Variants in FRMD6 observed in about 807,000 individuals in gnomAD.
FRMD6 encodes the protein FERM domain-containing protein 6.
Under a neutral mutation model 73.2 loss-of-function variants are expected in FRMD6, and 37 were observed. The ratio of observed to expected loss-of-function variants is 0.51; its 90% confidence interval spans 0.39 to 0.66. FRMD6 has a LOEUF of 0.66. Ranked by LOEUF, FRMD6 falls within the 30% of genes least tolerant of loss-of-function variation. The pLI is 0.00. For synonymous variants in FRMD6, 273 were observed against 282.2 expected (o/e 0.97, Z 0.33); for missense variants, 714 against 780.5 (o/e 0.91, Z 1.02).
the FRMD6 span, among the ~76,000 whole-genome samples, chr14:51,444,503 G>A: frequency 6.6e-6 from 1 of 152,182 alleles, no homozygotes; most frequent in African/African-American, 2.4e-5. Context: ...CGAATCCATT[G>A]TTAGCAATGT....
chr14:51,685,184 A>G (rs1895068767), intron 1 of FRMD6, among the ~76,000 whole-genome samples: 1 of 152,174 alleles, frequency 6.6e-6, no homozygotes, highest in Non-Finnish European at 1.5e-5. Context: ...CTGAACAGTA[A>G]GTGAGTCTTG....
rs920968308 is a variant in FRMD6 at position 51,720,491 on chromosome 14, G to C, written c.1360+101G>C. 4 of 1,017,086 alleles carry C rather than the reference G, an allele frequency of 3.9e-6. No individual in the cohort carries two copies. The African/African-American group carries it at 6.4e-5, about 16-fold the overall frequency. The allele number at this position is 1,017,086 out of a possible 1,614,324, so 63.0% of individuals were successfully genotyped here. A position where few individuals can be genotyped will look rare whatever the true frequency, so the allele number is the denominator to read the frequency against. On this transcript the variant is annotated intron_variant, in intron 11 of 13. Transcript: ENST00000344768. The stretch of plus-strand genomic sequence containing the variant: ...GTCTGGAGAGCAACTTTAGGCAGTA[G>C]TAATAAAGTGGAAGAGGTGTCTTGT...
the FRMD6 span, among the ~76,000 whole-genome samples, chr14:51,453,994 G>A: frequency 0.28 from 43,240 of 152,090 alleles, 6,658 homozygotes; most frequent in Non-Finnish European, 0.34. Flanking sequence ...GATGAAGCAG[G>A]GCTCTGCTCC....
intron 1 of FRMD6, among the ~76,000 whole-genome samples, chr14:51,533,054 A>G (rs994287666): frequency 6.6e-6 from 1 of 152,232 alleles, no homozygotes; most frequent in East Asian, 1.9e-4. Flanking sequence ...CCTACAACCA[A>G]TAATGGTCTC....
At chr14:51,497,730 A>G (rs1054702709) in intron 1 of FRMD6, among the ~76,000 whole-genome samples, 3 of 152,198 alleles carry the variant, frequency 2.0e-5, no homozygotes, top group African/African-American at 7.2e-5. Context: ...CCCAGCATGT[A>G]TTTTACACTT....
At chr14:51,715,299 A>G (rs762959922) in intron 9 of FRMD6, 26 bp from the exon 10 acceptor site, 3 of 1,458,246 alleles carry the variant, frequency 2.1e-6, no homozygotes, top group Non-Finnish European at 2.7e-6. Context: ...TTCTTCCTGA[A>G]TTTGATTCAT....
chr14:51,662,867 A>G (rs1236426630), intron 1 of FRMD6, among the ~76,000 whole-genome samples: 2 of 152,246 alleles, frequency 1.3e-5, no homozygotes, highest in Non-Finnish European at 2.9e-5. Context: ...ATGGAAGAAA[A>G]TATTTGCAAA....
intron 1 of FRMD6, among the ~76,000 whole-genome samples, chr14:51,663,693 A>G (rs1376337333): frequency 2.6e-5 from 4 of 152,220 alleles, no homozygotes; most frequent in African/African-American, 9.6e-5. Context: ...GCAAACCCCC[A>G]TGACACAAGT....
At chr14:51,659,662 T>A (rs1051420020) in intron 1 of FRMD6, among the ~76,000 whole-genome samples, 11 of 152,216 alleles carry the variant, frequency 7.2e-5, no homozygotes, top group African/African-American at 2.7e-4. Context: ...GCCTGCAGAT[T>A]TTTAAAATTC....
chr14:51,533,076 T>C (rs1051126700), intron 1 of FRMD6, among the ~76,000 whole-genome samples: 1 of 152,350 alleles, frequency 6.6e-6, no homozygotes, highest in African/African-American at 2.4e-5. Context: ...GCCTCCTCCA[T>C]GTCTTGCCAA....
At chr14:51,691,831 G>A (rs1211534183) in intron 2 of FRMD6, among the ~76,000 whole-genome samples, 1 of 151,956 alleles carries the variant, frequency 6.6e-6, no homozygotes, top group African/African-American at 2.4e-5. Flanking sequence ...CTGACCTCAC[G>A]TGATCTGTCT....
intron 1 of FRMD6, among the ~76,000 whole-genome samples, chr14:51,502,798 A>T (rs569871787): frequency 2.2e-4 from 33 of 152,374 alleles, no homozygotes; most frequent in Non-Finnish European, 3.4e-4. Flanking sequence ...CAGTATGGCC[A>T]TATTCACAAT....
chr14:51,720,113 G>T lies in FRMD6; in HGVS notation c.1083G>T (p.Gln361His). Residue 361 changes from glutamine to histidine, a missense_variant, in exon 11 of 14, where the codon CAG becomes CAT. By Grantham distance (24) the Gln-to-His change is conservative. Coordinates refer to ENST00000344768, the MANE Select transcript of FRMD6 (RefSeq NM_001267046.2). Reference sequence around the variant, plus strand: ...ACAACCTGGACCTCGACATGGACCAGCTGGAAAAACGGTCGCGGGCCAGCG... The same window carrying T: ...ACAACCTGGACCTCGACATGGACCATCTGGAAAAACGGTCGCGGGCCAGCG... Reference protein sequence around the residue: ...ISDNLDLDMDQLEKRSRASGS... With the variant: ...ISDNLDLDMDHLEKRSRASGS... 1 of 1,613,802 alleles carries T rather than the reference G, an allele frequency of 6.2e-7. No individual in the cohort carries two copies. The highest frequency in any genetic ancestry group is 8.5e-7 in the Non-Finnish European group (1 of 1,180,022).
intron 1 of FRMD6, among the ~76,000 whole-genome samples, chr14:51,564,332 C>T (rs1596610540): frequency 6.6e-6 from 1 of 152,186 alleles, no homozygotes. Context: ...TGCCTCAGAT[C>T]CTCAGTTTCC....
chr14:51,673,076 C>T (rs1894134316), intron 1 of FRMD6, among the ~76,000 whole-genome samples: 1 of 152,158 alleles, frequency 6.6e-6, no homozygotes. Flanking sequence ...TGGTTCAGGG[C>T]AGCCTTCAGA....
At chr14:51,674,675 G>A (rs1894258273) in intron 1 of FRMD6, among the ~76,000 whole-genome samples, 2 of 152,058 alleles carry the variant, frequency 1.3e-5, no homozygotes, top group Non-Finnish European at 1.5e-5. Context: ...AACCCTATTT[G>A]TGTAGGGTAA....
intron 1 of FRMD6, among the ~76,000 whole-genome samples, chr14:51,502,031 A>C (rs556464391): frequency 4.5e-4 from 69 of 152,174 alleles, no homozygotes; most frequent in African/African-American, 1.6e-3. Flanking sequence ...TTCTTTTCAG[A>C]AGTGTCTGTT....
rs116769294 is a variant in FRMD6, at chr14:51,606,123, G to C, written c.-147+35713G>C. ...ACAGTGAGATGCCAGGAAGTTCTAGGGGGGTGGGTGTAGTCAAGAATGTGA... is the reference window on the plus strand; with the variant it reads ...ACAGTGAGATGCCAGGAAGTTCTAGCGGGGTGGGTGTAGTCAAGAATGTGA... On this transcript the variant is annotated intron_variant, in intron 2 of 14. Coordinates refer to the FRMD6 transcript ENST00000356218. 9.0e-3 allele frequency among the ~76,000 whole-genome samples: 1,376 copies of C among 152,256 alleles called. 23 individuals carry two copies. Among genetic ancestry groups the C allele is most frequent in the African/African-American group, 0.031 (1,295 of 41,518 alleles).
intron 2 of FRMD6, among the ~76,000 whole-genome samples, chr14:51,580,731 T>C (rs1812417376): frequency 6.6e-6 from 1 of 152,152 alleles, no homozygotes. Flanking sequence ...GACTATATAA[T>C]GGGTAAAGAG....
Sources: gnomAD v4.1 joint callset for allele counts (sites outside exome capture counted in the v4.1 genomes callset) on GRCh38, gnomAD v4.1.1 for gene constraint, MANE v1.5 for transcripts, NCBI Gene and HGNC (gene_info 2026-07-23, HGNC 2026-07-21) for gene names.